The following NELL1 variants were observed in gnomAD, a reference collection of about 807,000 sequenced individuals.
NELL1 encodes protein kinase C-binding protein NELL1.
In NELL1, 76 loss-of-function variants were observed where a neutral mutation model predicts 107.4. That is an observed-to-expected ratio of 0.71 (90% CI 0.59 to 0.86). The LOEUF (loss-of-function observed/expected upper bound fraction) is 0.86. NELL1 is among the 40% of genes least tolerant of loss of function. The pLI, the probability that NELL1 is intolerant of heterozygous loss-of-function variation, is 0.00. For synonymous variants in NELL1, 353 were observed against 341.2 expected (o/e 1.03, Z -0.38); for missense variants, 1,024 against 1,005.5 (o/e 1.02, Z -0.25).
intron 12 of NELL1, among the ~76,000 whole-genome samples, chr11:20,975,191 T>G (rs1462090008): frequency 6.6e-6 from 1 of 151,972 alleles, no homozygotes; most frequent in Non-Finnish European, 1.5e-5. Flanking sequence ...GTTTATTTTT[T>G]TTTTAGTAGA....
intron 12 of NELL1, among the ~76,000 whole-genome samples, chr11:21,035,573 G>A (rs115679421): frequency 0.019 from 2,944 of 151,700 alleles, 101 homozygotes; most frequent in African/African-American, 0.068. Flanking sequence ...CGCAAGCTTG[G>A]TTCAACATAT....
chr11:20,716,573 G>A (rs1463760239), intron 2 of NELL1, among the ~76,000 whole-genome samples: 1 of 152,192 alleles, frequency 6.6e-6, no homozygotes, highest in South Asian at 2.1e-4. Flanking sequence ...GTATGTATGT[G>A]TGCATGCTTA....
chr11:21,168,632 G>A (rs10833471), intron 13 of NELL1, among the ~76,000 whole-genome samples: 42,764 of 151,556 alleles, frequency 0.28, 6,368 homozygotes, highest in Middle Eastern at 0.37. Flanking sequence ...TTCATTGGGC[G>A]AGACCTTCCC....
chr11:20,820,209 C>T (rs1055061458), intron 3 of NELL1, among the ~76,000 whole-genome samples: 1 of 152,098 alleles, frequency 6.6e-6, no homozygotes, highest in Non-Finnish European at 1.5e-5. Context: ...GAAAGCCTGA[C>T]ATAAGGTAAC....
intron 12 of NELL1, among the ~76,000 whole-genome samples, chr11:20,996,555 T>C (rs925126141): frequency 2.0e-5 from 3 of 152,188 alleles, no homozygotes; most frequent in East Asian, 3.9e-4. Flanking sequence ...CTGTGACTCT[T>C]CCCTGGTGAC....
chr11:20,732,126 G>T (rs760935271), intron 2 of NELL1, among the ~76,000 whole-genome samples: 2 of 151,680 alleles, frequency 1.3e-5, no homozygotes, highest in Non-Finnish European at 2.9e-5. Flanking sequence ...ATCATTTTCC[G>T]AGTCCTTTCC....
At chr11:20,975,236 G>A (rs940575190) in intron 12 of NELL1, among the ~76,000 whole-genome samples, 29 of 151,614 alleles carry the variant, frequency 1.9e-4, no homozygotes, top group Admixed American at 6.6e-5. Flanking sequence ...GGCTGGTCTC[G>A]AACTCCTGAC....
chr11:20,968,329 GAC>G (rs1470667532), intron 12 of NELL1, among the ~76,000 whole-genome samples: 2 of 150,464 alleles, frequency 1.3e-5, no homozygotes, highest in Non-Finnish European at 2.9e-5. Flanking sequence ...GTACATTATA[GAC>G]ACACAAACAT....
At chr11:21,190,854 G>A (rs1003893037) in intron 13 of NELL1, among the ~76,000 whole-genome samples, 17 of 151,822 alleles carry the variant, frequency 1.1e-4, no homozygotes, top group Non-Finnish European at 2.2e-4. Context: ...TATCTATTAT[G>A]TTGCCTCAGT....
At chr11:20,808,986 A>G (rs564549587) in intron 3 of NELL1, among the ~76,000 whole-genome samples, 87 of 152,312 alleles carry the variant, frequency 5.7e-4, no homozygotes, top group African/African-American at 2.1e-3. Context: ...GGGTTTTTAT[A>G]AAGATGCTTT....
intron 12 of NELL1, among the ~76,000 whole-genome samples, chr11:20,961,104 T>C (rs571016878): frequency 2.0e-5 from 3 of 152,168 alleles, no homozygotes; most frequent in Non-Finnish European, 4.4e-5. Context: ...CTTTGGCACA[T>C]GGGCTGATGC....
At chr11:21,400,543 T>C (rs975726988) in intron 15 of NELL1, among the ~76,000 whole-genome samples, 5 of 151,860 alleles carry the variant, frequency 3.3e-5, no homozygotes, top group African/African-American at 1.2e-4. Context: ...ATCTTGTATA[T>C]TCACGTTCTC....
intron 15 of NELL1, among the ~76,000 whole-genome samples, chr11:21,438,345 A>T (rs4576819): frequency 0.3 from 45,538 of 151,596 alleles, 7,701 homozygotes; most frequent in South Asian, 0.44. Context: ...ATACATTGTT[A>T]GTCTGATAGG....
chr11:21,014,261 C>T (rs1852516052), intron 12 of NELL1, among the ~76,000 whole-genome samples: 1 of 152,050 alleles, frequency 6.6e-6, no homozygotes, highest in Admixed American at 6.6e-5. Flanking sequence ...TGGCAGATTG[C>T]ATCAAGCCAT....
At chr11:20,853,624 T>G (rs1387725308) in intron 4 of NELL1, among the ~76,000 whole-genome samples, 1 of 152,212 alleles carries the variant, frequency 6.6e-6, no homozygotes, top group Non-Finnish European at 1.5e-5. Context: ...TATACCATCA[T>G]ATAGAGAAGG....
intron 14 of NELL1, among the ~76,000 whole-genome samples, chr11:21,345,243 A>T (rs780988124): frequency 2.6e-5 from 4 of 152,214 alleles, no homozygotes; most frequent in Non-Finnish European, 5.9e-5. Flanking sequence ...GTTTGAAGGA[A>T]CACTGAACAC....
At chr11:20,766,113 C>A (rs541802496) in intron 2 of NELL1, among the ~76,000 whole-genome samples, 5 of 152,284 alleles carry the variant, frequency 3.3e-5, no homozygotes, top group African/African-American at 1.2e-4. Context: ...CTAAGCTATT[C>A]AAGGGAGTGA....
chr11:20,902,172 G>A (rs1849889495), intron 5 of NELL1, among the ~76,000 whole-genome samples: 1 of 151,866 alleles, frequency 6.6e-6, no homozygotes, highest in South Asian at 2.1e-4. Context: ...TGGGTTTACT[G>A]CATAAAATTC....
chr11:21,548,969 G>A lies in NELL1; in HGVS notation c.1787-11220G>A, dbSNP rs1002490944. The stretch of plus-strand genomic sequence containing the variant: ...ATTTTACTGTACTCCATGGTTTCAG[G>A]AAAATATGATTTCTATATAAACAAT... On this transcript the variant is annotated intron_variant, in intron 16 of 19. Transcript: ENST00000357134. 2.0e-5 allele frequency among the ~76,000 whole-genome samples: 3 copies of A among 150,846 alleles called. No individual in the cohort carries two copies. In the South Asian group the frequency reaches 6.3e-4, roughly 32 times the overall value.
Sources: allele counts gnomAD v4.1 joint callset (sites outside exome capture counted in the v4.1 genomes callset), GRCh38; gene constraint gnomAD v4.1.1; transcripts MANE v1.5; gene names NCBI Gene and HGNC (gene_info 2026-07-23, HGNC 2026-07-21).